ANKRD26: variants seen among roughly 807,000 people sequenced by gnomAD.
ANKRD26 encodes the protein ankyrin repeat domain 26, also known as ankyrin repeat domain-containing protein 26.
Under a neutral mutation model 208.7 loss-of-function variants are expected in ANKRD26, and 141 were observed. The ratio of observed to expected loss-of-function variants is 0.68; its 90% CI spans 0.59 to 0.78. The LOEUF (loss-of-function observed/expected upper bound fraction) is 0.78. Ranked by LOEUF, ANKRD26 falls within the 30% of genes least tolerant of loss-of-function variation. The pLI, the probability that ANKRD26 is intolerant of heterozygous loss-of-function variation, is 0.00. For missense variants in ANKRD26, 1,889 were observed against 1,938.7 expected (o/e 0.97, Z 0.48); for synonymous variants, 636 against 660.4 (o/e 0.96, Z 0.57).
At chr10:26,998,852 G>A (rs2052654960) in intron 4 of ANKRD26, among the ~76,000 whole-genome samples, 1 of 152,148 alleles carries the variant, frequency 6.6e-6, no homozygotes, top group East Asian at 1.9e-4. Flanking sequence ...GTGAGTAGCA[G>A]TCGAGGAGGG....
rs763983906 is a variant in ANKRD26, at chr10:27,043,487, T to C, written c.2100A>G (p.Leu700=). 2 of 1,613,952 alleles carry C rather than the reference T, an allele frequency of 1.2e-6. No homozygotes were observed. Among genetic ancestry groups the C allele is most frequent in the East Asian group, 4.5e-5 (2 of 44,848 alleles). The part of the protein sequence containing the change: ...SSETASEDCE[L]PHSSYKNFML... ...TAAAATTCTTGTAACTAGAGTGGGG[T>C]AGCTCACAATCCTCTGAGGCTGTTT... The change falls in exon 20 of 34, where the codon CTA becomes CTG. Residue 700 remains leucine, a synonymous_variant. Coordinates refer to ENST00000376087, the MANE Select transcript of ANKRD26 (RefSeq NM_014915.3).
intron 32 of ANKRD26, 66 bp from the exon 33 acceptor site, chr10:27,007,028 G>A (rs1214154432): frequency 8.2e-7 from 1 of 1,217,912 alleles, no homozygotes; most frequent in Admixed American, 1.7e-5. Flanking sequence ...TAGAAATGAT[G>A]TATCACTTAC....
chr10:27,034,898 C>T lies in ANKRD26; in HGVS notation c.3552G>A (p.Lys1184=). 9 of 1,613,710 alleles carry T rather than the reference C, an allele frequency of 5.6e-6. No homozygotes were observed. Among genetic ancestry groups the T allele is most frequent in the Non-Finnish European group, 7.6e-6 (9 of 1,179,870 alleles). Residue 1184 remains lysine (K), a synonymous_variant, in exon 24 of 34, where the codon AAG becomes AAA. Transcript: ENST00000376087. ...TTCTTTCTTCTAGCAGAAGACTTTG[C>T]TTTTCACTCTCAGCTTGAAGTTTTT... ...IVQKLQAESE[K]QSLLLEERNK...
At chr10:26,983,314 CAG>C (rs1399294676) in intron 3 of ANKRD26, among the ~76,000 whole-genome samples, 1 of 152,130 alleles carries the variant, frequency 6.6e-6, no homozygotes, top group Non-Finnish European at 1.5e-5. Flanking sequence ...GCTGGTTTGG[CAG>C]AGTCTGAATT....
chr10:27,027,525 T>C (rs2053702420), intron 27 of ANKRD26, among the ~76,000 whole-genome samples: 1 of 152,194 alleles, frequency 6.6e-6, no homozygotes, highest in South Asian at 2.1e-4. Context: ...CATCAATGGA[T>C]GAGTGAACAA....
chr10:27,000,388 G>C (rs2134737031), downstream of ANKRD26, among the ~76,000 whole-genome samples: 1 of 152,220 alleles, frequency 6.6e-6, no homozygotes, highest in Non-Finnish European at 1.5e-5. Context: ...GATGCCTACT[G>C]TTTCCCCTTT....
the ANKRD26 span, among the ~76,000 whole-genome samples, chr10:26,959,069 A>T: frequency 6.6e-6 from 1 of 151,858 alleles, no homozygotes; most frequent in South Asian, 2.1e-4. Flanking sequence ...GCTCTTTTTC[A>T]TGTTTGTTGG....
chr10:27,034,091 C>T (rs11015465), intron 24 of ANKRD26, among the ~76,000 whole-genome samples: 12,980 of 152,162 alleles, frequency 0.085, 678 homozygotes, highest in African/African-American at 0.15. Context: ...ATTATTTGCT[C>T]ATAATATATT....
chr10:27,042,345 G>A (rs183683266), intron 20 of ANKRD26, among the ~76,000 whole-genome samples: 4 of 152,318 alleles, frequency 2.6e-5, no homozygotes, highest in East Asian at 1.9e-4. Context: ...GGCTGGGCAC[G>A]GTGGCTCACG....
chr10:26,996,309 C>T (rs1034097408), intron 4 of ANKRD26, among the ~76,000 whole-genome samples: 1 of 152,166 alleles, frequency 6.6e-6, no homozygotes, highest in Non-Finnish European at 1.5e-5. Flanking sequence ...TGCCTGTAAT[C>T]CCAGCACTTT....
At chr10:27,071,158 C>CTTTTT (rs1564411968) in intron 9 of ANKRD26, among the ~76,000 whole-genome samples, 3 of 128,728 alleles carry the variant, frequency 2.3e-5, no homozygotes, top group African/African-American at 3.1e-5. Flanking sequence ...TTGCTACATT[C>CTTTTT]ATTTTTTTTT....
In ANKRD26 at chr10:27,004,807, T is replaced by C. The variant is rs2134776511; in HGVS notation, c.*783A>G. 1 of 154,100 alleles carries C rather than the reference T, an allele frequency of 6.5e-6. No homozygotes were observed. Among genetic ancestry groups the C allele is most frequent in the South Asian group, 2.1e-4 (1 of 4,844 alleles). 9.5% of individuals were successfully genotyped at this position (154,100 alleles called of 1,614,324 possible). A position where few individuals can be genotyped will look rare whatever the true frequency, so the allele number is the denominator to read the frequency against. On this transcript the variant is annotated 3_prime_UTR_variant, in exon 34 of 34. Coordinates refer to ENST00000376087, the MANE Select transcript of ANKRD26 (RefSeq NM_014915.3). ...AGATACAACAACTAAATACAAGCCA[T>C]GGATTAGAATGGGATCCTTTTGCTA...
intron 21 of ANKRD26, among the ~76,000 whole-genome samples, chr10:27,038,522 A>T (rs990385997): frequency 3.9e-5 from 6 of 151,928 alleles, no homozygotes; most frequent in Non-Finnish European, 8.8e-5. Context: ...GTGGTGGCAG[A>T]CACCTGTAAT....
At chr10:27,048,569 T>TACTACTACTACTAATAATAATAATAATAA (rs2054540172) in intron 17 of ANKRD26, among the ~76,000 whole-genome samples, 1 of 152,168 alleles carries the variant, frequency 6.6e-6, no homozygotes, top group African/African-American at 2.4e-5. Flanking sequence ...TGAGAATGCC[T>TACTACTACTACTAATAATAATAATAATAA]TTTTTCTCAC....
the ANKRD26 span, among the ~76,000 whole-genome samples, chr10:26,948,388 C>T: frequency 6.6e-6 from 1 of 152,188 alleles, no homozygotes; most frequent in South Asian, 2.1e-4. Context: ...GGCTAAGACT[C>T]ACCTACTCCT....
chr10:27,084,973 C>T lies in ANKRD26; in HGVS notation c.709+1566G>A, dbSNP rs148511368. ...TGTACTTTCATTATAATTTGTTGAG[C>T]GCAGAGTTGAGATATTTGAATATTC... On this transcript the variant is annotated intron_variant, in intron 5 of 33. Transcript: ENST00000376087. 3.1e-3 allele frequency among the ~76,000 whole-genome samples: 462 copies of T among 150,932 alleles called. 2 individuals are homozygous for T. The highest frequency in any genetic ancestry group is 4.7e-3 in the Non-Finnish European group (319 of 67,850).
At chr10:27,034,279 T>TA (rs2053973441) in intron 24 of ANKRD26, among the ~76,000 whole-genome samples, 1 of 152,158 alleles carries the variant, frequency 6.6e-6, no homozygotes, top group Non-Finnish European at 1.5e-5. Context: ...AGAATAAAAA[T>TA]AAAATCACAT....
rs1417891429 is a variant in ANKRD26, at chr10:27,100,245, C to G, written c.82G>C (p.Gly28Arg). 6.2e-7 allele frequency: 1 copy of G among 1,611,554 alleles called. No individual in the cohort carries two copies. ...GAGTAGGCGCCCTCCCCCGGCTCGC[C>G]CCCGCCTCCCGCGCTGCTCCTCTGC... ...RRQRSSAGGGGEPGEGAYSQP... is the reference protein window; with the variant it reads ...RRQRSSAGGGREPGEGAYSQP... Residue 28 changes from glycine to arginine, a missense_variant, in exon 1 of 34, where the codon GGC (glycine) becomes CGC (arginine). Gly to Arg is a moderately radical substitution (Grantham distance 125, BLOSUM62 -2). Around this residue, in one of 3 missense-constraint regions of ANKRD26, gnomAD observed 1,272 missense variants for 1,273.8 expected, o/e 1.00. Coordinates refer to ENST00000376087, the MANE Select transcript of ANKRD26 (RefSeq NM_014915.3).
the ANKRD26 span, among the ~76,000 whole-genome samples, chr10:26,963,801 T>A: frequency 6.6e-6 from 1 of 152,034 alleles, no homozygotes; most frequent in East Asian, 1.9e-4. Context: ...ATACAATGTA[T>A]TTACATTGTA....
Sources: gnomAD v4.1 joint callset for allele counts (sites outside exome capture counted in the v4.1 genomes callset) on GRCh38, gnomAD v4.1.1 for gene constraint, gnomAD v4.1.1 regional missense constraint, MANE v1.5 for transcripts, NCBI Gene and HGNC (gene_info 2026-07-23, HGNC 2026-07-21) for gene names.